Variants in CA10 observed in about 807,000 individuals in gnomAD.
CA10 encodes the protein carbonic anhydrase 10 (inactive).
A neutral mutation model predicts 44.2 loss-of-function variants in CA10; 14 were observed. The ratio of observed to expected loss-of-function variants is 0.32; its 90% CI spans 0.21 to 0.50. The LOEUF (loss-of-function observed/expected upper bound fraction) is 0.50. CA10 is among the 20% of genes least tolerant of loss of function. The pLI, the probability that CA10 is intolerant of heterozygous loss-of-function variation, is 0.99. For missense variants in CA10, 350 were observed against 409.7 expected (o/e 0.85, Z 1.26); for synonymous variants, 159 against 141.6 (o/e 1.12, Z -0.87).
intron 4 of CA10, among the ~76,000 whole-genome samples, chr17:51,735,620 C>G (rs780581472): frequency 6.6e-6 from 1 of 151,940 alleles, no homozygotes; most frequent in Non-Finnish European, 1.5e-5. Flanking sequence ...ATAAAAACAA[C>G]CATTTTTGAG....
At chr17:52,117,555 G>A (rs1988925211) in intron 1 of CA10, among the ~76,000 whole-genome samples, 1 of 152,102 alleles carries the variant, frequency 6.6e-6, no homozygotes, top group African/African-American at 2.4e-5. Context: ...TATATGTGTT[G>A]TGTGTGATGT....
intron 3 of CA10, among the ~76,000 whole-genome samples, chr17:51,824,392 T>C (rs1024655275): frequency 6.6e-6 from 1 of 152,166 alleles, no homozygotes; most frequent in Non-Finnish European, 1.5e-5. Flanking sequence ...CCCATCTCCC[T>C]GCACAATTTC....
intron 3 of CA10, among the ~76,000 whole-genome samples, chr17:51,928,697 C>T (rs1475235946): frequency 6.6e-6 from 1 of 152,170 alleles, no homozygotes; most frequent in Non-Finnish European, 1.5e-5. Flanking sequence ...ACTTCCCAGT[C>T]TTACAGGGTG....
chr17:51,705,049 T>C (rs1915722573), intron 4 of CA10, among the ~76,000 whole-genome samples: 1 of 152,164 alleles, frequency 6.6e-6, no homozygotes, highest in South Asian at 2.1e-4. Flanking sequence ...GTGGATTCTA[T>C]TCCTCTTCGG....
At chr17:51,976,329 A>G (rs1365685456) in intron 2 of CA10, among the ~76,000 whole-genome samples, 1 of 152,212 alleles carries the variant, frequency 6.6e-6, no homozygotes, top group East Asian at 1.9e-4. Context: ...TACACATAAG[A>G]ACTGCAGGAT....
chr17:52,117,666 T>TA (rs921134261), intron 1 of CA10, among the ~76,000 whole-genome samples: 1 of 152,224 alleles, frequency 6.6e-6, no homozygotes, highest in African/African-American at 2.4e-5. Flanking sequence ...TAAAACAACT[T>TA]ACCAGATTTT....
At position 51,912,337 on chromosome 17, in the gene CA10, A is replaced by G. The variant is rs539093324; in HGVS notation, c.279+18653T>C. 3.9e-5 allele frequency among the ~76,000 whole-genome samples: 6 copies of G among 152,276 alleles called. No individual in the cohort carries two copies. In the South Asian group the frequency reaches 1.0e-3, roughly 26 times the overall value. ...CATTTTAAAATATTAGCTCCAGTCT[A>G]CAAGTCAGGAAGGAGGCTCAAGGAG... On this transcript the variant is annotated intron_variant, in intron 3 of 8. Coordinates refer to ENST00000451037, the MANE Select transcript of CA10 (RefSeq NM_020178.5).
At chr17:51,675,979 G>A (rs142522960) in intron 4 of CA10, among the ~76,000 whole-genome samples, 165 of 152,310 alleles carry the variant, frequency 1.1e-3, no homozygotes, top group African/African-American at 3.6e-3. Context: ...ATGAAGCACC[G>A]TGATGCTTGT....
In CA10 at chr17:51,946,944, T is replaced by C. The variant is rs77193559; in HGVS notation, c.137-15812A>G. On this transcript the variant is annotated intron_variant, in intron 2 of 8. Transcript: ENST00000451037. ...ACACAGCTGGACCTTTCTCTTATTCTTGTTTACTTGCTCTGGCTCTCATAT... is the reference window on the plus strand; with the variant it reads ...ACACAGCTGGACCTTTCTCTTATTCCTGTTTACTTGCTCTGGCTCTCATAT... 3.2e-3 allele frequency among the ~76,000 whole-genome samples: 493 copies of C among 152,234 alleles called. 21 individuals carry two copies. The East Asian group carries it at 0.08, about 25-fold the overall frequency.
At chr17:52,054,612 T>TG (rs1401436086) in intron 2 of CA10, among the ~76,000 whole-genome samples, 2 of 152,030 alleles carry the variant, frequency 1.3e-5, no homozygotes, top group East Asian at 3.9e-4. Context: ...TTTTGCGGCT[T>TG]GGGGGGCATC....
Position 51,858,532 on chromosome 17 carries a change from T to C in CA10, c.279+72458A>G, listed in dbSNP as rs952407631. 7.2e-5 allele frequency among the ~76,000 whole-genome samples: 11 copies of C among 152,330 alleles called. No homozygotes were observed. The South Asian group carries it at 2.3e-3, about 32-fold the overall frequency. On this transcript the variant is annotated intron_variant, in intron 3 of 8. Coordinates refer to ENST00000451037, the MANE Select transcript of CA10 (RefSeq NM_020178.5). Reference sequence around the variant, plus strand: ...CATTATACACACTCCAAAAGGGGTATATAAAAGTTGTTTACAAGGGCAAAG... The same window carrying C: ...CATTATACACACTCCAAAAGGGGTACATAAAAGTTGTTTACAAGGGCAAAG...
At chr17:51,775,725 C>T (rs142657587) in intron 3 of CA10, among the ~76,000 whole-genome samples, 159 of 152,146 alleles carry the variant, frequency 1.0e-3, no homozygotes, top group African/African-American at 3.7e-3. Flanking sequence ...ACAGGGAGCA[C>T]GACATAGTCT....
intron 5 of CA10, among the ~76,000 whole-genome samples, chr17:51,653,288 C>A (rs1007360439): frequency 3.9e-5 from 6 of 152,162 alleles, no homozygotes; most frequent in African/African-American, 1.4e-4. Context: ...GGACTTTAAT[C>A]CTGTGGGGCA....
intron 2 of CA10, among the ~76,000 whole-genome samples, chr17:51,988,918 T>A (rs1984939730): frequency 6.6e-6 from 1 of 152,012 alleles, no homozygotes. Flanking sequence ...CTATTTCACC[T>A]TTTTTTGGAT....
chr17:51,854,919 A>G (rs1446051248), intron 3 of CA10, among the ~76,000 whole-genome samples: 2 of 152,078 alleles, frequency 1.3e-5, no homozygotes, highest in Non-Finnish European at 2.9e-5. Context: ...TTTTACCCCA[A>G]TTTCACAGAG....
intron 2 of CA10, among the ~76,000 whole-genome samples, chr17:52,044,068 T>C (rs1033248775): frequency 8.5e-5 from 13 of 152,112 alleles, no homozygotes; most frequent in Non-Finnish European, 1.8e-4. Flanking sequence ...GCTGCCATTG[T>C]AAAATTAGTT....
chr17:51,975,763 T>C (rs1984440945), intron 2 of CA10, among the ~76,000 whole-genome samples: 2 of 150,082 alleles, frequency 1.3e-5, no homozygotes, highest in Non-Finnish European at 2.9e-5. Flanking sequence ...CTGAGGAGGC[T>C]AAGGCACTAA....
intron 3 of CA10, among the ~76,000 whole-genome samples, chr17:51,916,091 T>C (rs1981985498): frequency 6.6e-6 from 1 of 152,200 alleles, no homozygotes; most frequent in Non-Finnish European, 1.5e-5. Context: ...CTTTAGATTT[T>C]GAACGTATTT....
Position 51,823,606 on chromosome 17 carries a change from C to T in CA10, c.280-75788G>A, listed in dbSNP as rs535720257. Among the ~76,000 whole-genome samples, 19 of 152,302 alleles carry T rather than the reference C, an allele frequency of 1.2e-4. No individual in the cohort carries two copies. In the East Asian group the frequency reaches 1.7e-3, roughly 14 times the overall value. The stretch of plus-strand genomic sequence containing the variant: ...TTTCTGATTACTCCATTTTCCAGGT[C>T]TCAGAGCCAGAGACCTTCATGCTCC... On this transcript the variant is annotated intron_variant, in intron 3 of 8. Transcript: ENST00000451037.
Sources: gnomAD v4.1 joint callset for allele counts (sites outside exome capture counted in the v4.1 genomes callset) on GRCh38, gnomAD v4.1.1 for gene constraint, MANE v1.5 for transcripts, NCBI Gene and HGNC (gene_info 2026-07-23, HGNC 2026-07-21) for gene names.